WBP4: variants seen among roughly 807,000 people sequenced by gnomAD.
WBP4 encodes the protein WW domain binding protein 4, also known as WW domain-binding protein 4.
In WBP4, 37 loss-of-function variants were observed where a neutral mutation model predicts 55.4. The ratio of observed to expected loss-of-function variants is 0.67; its 90% CI spans 0.51 to 0.88. The LOEUF (loss-of-function observed/expected upper bound fraction) is 0.88. Among genes scored for constraint, WBP4 ranks in the 40% least tolerant of loss-of-function variants. The probability of loss-of-function intolerance (pLI) is 0.00; values close to 1 mark genes in which losing one functional copy is unlikely to be tolerated. For missense variants in WBP4, 398 were observed against 420.8 expected (o/e 0.95, Z 0.47); for synonymous variants, 142 against 140.2 (o/e 1.01, Z -0.09).
At chr13:41,064,934 G>T in intron 2 of WBP4, 82 bp from the exon 3 acceptor site, 1 of 1,255,822 alleles carries the variant, frequency 8.0e-7, no homozygotes, top group South Asian at 1.7e-5. Context: ...ATTTTCTCAT[G>T]TTTATGAGAA....
At chr13:41,078,605 A>G (rs1042377029) in intron 8 of WBP4, among the ~76,000 whole-genome samples, 1 of 152,224 alleles carries the variant, frequency 6.6e-6, no homozygotes, top group African/African-American at 2.4e-5. Context: ...AGGTGGGCGG[A>G]TCACCTGAGG....
chr13:41,065,438 A>C (rs926905576), intron 4 of WBP4, 151 bp downstream of exon 4: 57 of 1,159,978 alleles, frequency 4.9e-5, no homozygotes, highest in African/African-American at 1.1e-4. Context: ...TGTTTAGACT[A>C]TGGAAGTTTG....
intron 8 of WBP4, among the ~76,000 whole-genome samples, chr13:41,079,697 C>T (rs1878677877): frequency 6.6e-6 from 1 of 152,186 alleles, no homozygotes; most frequent in African/African-American, 2.4e-5. Context: ...TTCAATCCAG[C>T]AGTCCCACTT....
At chr13:41,077,534 G>A (rs142679802) in intron 8 of WBP4, among the ~76,000 whole-genome samples, 29 of 152,102 alleles carry the variant, frequency 1.9e-4, no homozygotes, top group African/African-American at 6.0e-4. Flanking sequence ...CACAGCCAAC[G>A]TTATACTGAA....
At chr13:41,070,485 T>C (rs184280403) in intron 5 of WBP4, among the ~76,000 whole-genome samples, 7 of 151,952 alleles carry the variant, frequency 4.6e-5, no homozygotes, top group Admixed American at 4.6e-4. Flanking sequence ...AGCCATCTTA[T>C]GGAGGGCTGA....
chr13:41,079,665 A>G lies in WBP4; in HGVS notation c.757-981A>G, dbSNP rs917838778. Among the ~76,000 whole-genome samples the G allele has an allele frequency of 1.3e-4, 20 of 152,196 alleles. 1 individual carries two copies. Among genetic ancestry groups the G allele is most frequent in the African/African-American group, 4.8e-4 (20 of 41,450 alleles). ...AACCTTTATAGAAAACATTTCTCAG[A>G]GAACTAAAAGCAGAACTGTTATTCA... On this transcript the variant is annotated intron_variant, in intron 8 of 9. Coordinates refer to ENST00000379487, the MANE Select transcript of WBP4 (RefSeq NM_007187.5).
intron 2 of WBP4, among the ~76,000 whole-genome samples, chr13:41,063,622 A>G (rs1877812411): frequency 6.6e-6 from 1 of 152,152 alleles, no homozygotes; most frequent in Non-Finnish European, 1.5e-5. Context: ...TAGGCTGTAA[A>G]ATGAATTTTG....
In WBP4 at chr13:41,076,268, AATTTTT is replaced by A. The variant is rs1566213284; in HGVS notation, c.756+32_756+37del. Reference sequence around the variant, plus strand: ...TTTTTAAATTTTACTCTTCACATCAAATTTTTTTTTTTTTTTTTTTTTTTTTTTTGA... The same window carrying A: ...TTTTTAAATTTTACTCTTCACATCAATTTTTTTTTTTTTTTTTTTTTTTGA... On this transcript the variant is annotated intron_variant, in intron 8 of 9. Transcript: ENST00000379487. 2.3e-5 allele frequency: 30 copies of A among 1,321,260 alleles called. No homozygotes were observed. The East Asian group carries it at 4.5e-4, about 20-fold the overall frequency. The allele number at this position is 1,321,260 out of a possible 1,614,324, so 81.8% of individuals were successfully genotyped here. A position where few individuals can be genotyped will look rare whatever the true frequency, so the allele number is the denominator to read the frequency against.
intron 5 of WBP4, among the ~76,000 whole-genome samples, chr13:41,070,657 A>G (rs1878202205): frequency 1.3e-5 from 2 of 152,088 alleles, no homozygotes; most frequent in Admixed American, 6.6e-5. Context: ...GCTGAGCAAA[A>G]TTGAGTCTGG....
At chr13:41,064,680 C>G (rs1877865825) in intron 2 of WBP4, among the ~76,000 whole-genome samples, 1 of 151,846 alleles carries the variant, frequency 6.6e-6, no homozygotes, top group Non-Finnish European at 1.5e-5. Flanking sequence ...ATTTTTTTCC[C>G]CAGTCTTTTG....
rs1432366884 is a variant in WBP4, at chr13:41,062,072, C to T, written c.2+397C>T. ...TGCGGCCTCCCCCGCCCACTGGAAG[C>T]GGCCAGCCCTGGATAGCGTAATGGT... On this transcript the variant is annotated intron_variant, in intron 1 of 9. Transcript: ENST00000379487. The T allele has an allele frequency of 8.7e-6, 8 of 914,348 alleles. No homozygotes were observed. In the East Asian group the frequency reaches 7.7e-4, roughly 88 times the overall value. 56.6% of individuals were successfully genotyped at this position (914,348 alleles called of 1,614,324 possible). A position where few individuals can be genotyped will look rare whatever the true frequency, so the allele number is the denominator to read the frequency against.
Position 41,065,058 on chromosome 13 carries a change from G to C in WBP4, c.118G>C (p.Val40Leu). 5.0e-6 allele frequency: 8 copies of C among 1,595,152 alleles called. No individual in the cohort carries two copies. Among genetic ancestry groups the C allele is most frequent in the Non-Finnish European group, 6.8e-6 (8 of 1,175,154 alleles). The change falls in exon 3 of 10, where the codon GTG (valine) becomes CTG (leucine). Residue 40 changes from valine (V) to leucine (L), a missense_variant. Transcript: ENST00000379487. ...HERGKNHKEN[V>L]AKRISEIKQK... ...AAGAGGAAAGAATCATAAGGAAAAT[G>C]TGGCAAAAAGGATCAGTGAGGTAAT...
At chr13:41,061,859 C>G (rs1025858498) in intron 1 of WBP4, among the ~76,000 whole-genome samples, 184 bp downstream of exon 1, 1 of 152,104 alleles carries the variant, frequency 6.6e-6, no homozygotes, top group Non-Finnish European at 1.5e-5. Context: ...GAAATGTTAC[C>G]CCGCTGAACG....
intron 1 of WBP4, 135 bp from the exon 2 acceptor site, chr13:41,062,509 T>G: frequency 1.3e-6 from 1 of 785,892 alleles, no homozygotes; most frequent in Non-Finnish European, 1.9e-6. Flanking sequence ...AGATAAATAA[T>G]AAAACGACTA....
At chr13:41,076,660 A>G (rs565550211) in intron 8 of WBP4, among the ~76,000 whole-genome samples, 1 of 152,324 alleles carries the variant, frequency 6.6e-6, no homozygotes, top group South Asian at 2.1e-4. Context: ...TGGCAACTGG[A>G]TAAATAAAAC....
At chr13:41,067,919 T>G (rs1878045578) in intron 4 of WBP4, among the ~76,000 whole-genome samples, 1 of 152,172 alleles carries the variant, frequency 6.6e-6, no homozygotes, top group South Asian at 2.1e-4. Flanking sequence ...TGTAACTATC[T>G]TTGACCTAGT....
At chr13:41,077,365 G>T (rs1041098472) in intron 8 of WBP4, among the ~76,000 whole-genome samples, 1 of 152,102 alleles carries the variant, frequency 6.6e-6, no homozygotes, top group Admixed American at 6.6e-5. Context: ...GGTGCCTCAT[G>T]CCTGTAATCT....
chr13:41,082,906 G>A lies in WBP4; in HGVS notation c.1123G>A (p.Asp375Asn). 1 of 1,613,960 alleles carries A rather than the reference G, an allele frequency of 6.2e-7. No individual in the cohort carries two copies. Among genetic ancestry groups the A allele is most frequent in the Non-Finnish European group, 8.5e-7 (1 of 1,179,948 alleles). Residue 375 changes from aspartate to asparagine, a missense_variant, in exon 10 of 10, where the codon GAT (aspartate) becomes AAT (asparagine). Asp to Asn is a conservative substitution (Grantham distance 23). Coordinates refer to ENST00000379487, the MANE Select transcript of WBP4 (RefSeq NM_007187.5). Reference sequence around the variant, plus strand: ...TAGAAATTTAAGGCAACGAGGTGATGATCAATAGTTGCAGGAGAGCTTTTT... The same window carrying A: ...TAGAAATTTAAGGCAACGAGGTGATAATCAATAGTTGCAGGAGAGCTTTTT... ...KSRNLRQRGD[D>N]Q
intron 2 of WBP4, among the ~76,000 whole-genome samples, chr13:41,063,974 G>A (rs186445774): frequency 1.3e-5 from 2 of 151,960 alleles, no homozygotes; most frequent in Non-Finnish European, 2.9e-5. Context: ...TTGTAATTTA[G>A]GGAGCATTTC....
Sources: allele counts gnomAD v4.1 joint callset (sites outside exome capture counted in the v4.1 genomes callset), GRCh38; gene constraint gnomAD v4.1.1; transcripts MANE v1.5; gene names NCBI Gene and HGNC (gene_info 2026-07-23, HGNC 2026-07-21).